Variants in OLFML2B observed in about 807,000 individuals in gnomAD.
The protein encoded by OLFML2B is olfactomedin-like protein 2B.
A neutral mutation model predicts 74.9 loss-of-function variants in OLFML2B; 57 were observed. The ratio of observed to expected loss-of-function variants is 0.76; its 90% CI spans 0.61 to 0.95. OLFML2B has a LOEUF of 0.95. OLFML2B is among the 40% of genes least tolerant of loss of function. The pLI, the probability that OLFML2B is intolerant of heterozygous loss-of-function variation, is 0.00. For synonymous variants in OLFML2B, 388 were observed against 405.8 expected (o/e 0.96, Z 0.53); for missense variants, 986 against 970.6 (o/e 1.02, Z -0.21).
intron 4 of OLFML2B, 65 bp from the exon 5 acceptor site, chr1:162,000,403 G>A: frequency 7.3e-7 from 1 of 1,376,378 alleles, no homozygotes; most frequent in Non-Finnish European, 1.0e-6. Context: ...GGGCAGGTGG[G>A]GGCAAGGCTG....
In OLFML2B at chr1:161,997,879, G is replaced by T. The variant is rs139127072; in HGVS notation, c.1420C>A (p.Pro474Thr). Residue 474 changes from proline (P) to threonine (T), a missense_variant, in exon 6 of 8, where the codon CCT (proline) becomes ACT (threonine). Pro to Thr is a conservative substitution (Grantham distance 38). Transcript: ENST00000294794. ...TCGGGGCTCAGCGTGGGGCTGGCAG[G>T]GGTTGTTCCCCACCCAGCAGGAGCA... ...KDAPAGWGTT[P>T]ASPTLSPEEE... 1.2e-6 allele frequency: 2 copies of T among 1,614,050 alleles called. No individual in the cohort carries two copies. The highest frequency in any genetic ancestry group is 1.3e-5 in the African/African-American group (1 of 74,928).
At chr1:162,008,507 CA>C (rs149129057) in intron 3 of OLFML2B, among the ~76,000 whole-genome samples, 30 of 152,316 alleles carry the variant, frequency 2.0e-4, no homozygotes, top group African/African-American at 7.0e-4. Flanking sequence ...CAGCTCTCAG[CA>C]GCACCAAGCA....
At chr1:161,994,807 A>G (rs911882400) in intron 6 of OLFML2B, among the ~76,000 whole-genome samples, 2 of 152,046 alleles carry the variant, frequency 1.3e-5, no homozygotes, top group African/African-American at 2.4e-5. Context: ...TGAACATTTT[A>G]TAACTCTCCT....
At chr1:161,997,099 G>A (rs1032419629) in intron 6 of OLFML2B, among the ~76,000 whole-genome samples, 1 of 152,200 alleles carries the variant, frequency 6.6e-6, no homozygotes, top group South Asian at 2.1e-4. Flanking sequence ...GGAGCTTGCA[G>A]TGAGCCAAGA....
At chr1:162,018,580 C>A (rs1017196529) in intron 2 of OLFML2B, among the ~76,000 whole-genome samples, 1 of 152,206 alleles carries the variant, frequency 6.6e-6, no homozygotes, top group Non-Finnish European at 1.5e-5. Flanking sequence ...CCACAGTGCA[C>A]CCAGCCTTCT....
At position 161,998,072 on chromosome 1, in the gene OLFML2B, G is replaced by A; in HGVS notation, c.1227C>T (p.Val409=). ...SVSPDPTRES[V]LQPSPQVPAT... is the part of the protein sequence containing the mutation. ...CTGGTACCTGAGGAGAAGGCTGCAG[G>A]ACTGACTCCCTTGTGGGATCTGGAG... is the stretch of plus-strand genomic sequence containing the variant. The change falls in exon 6 of 8, where the codon GTC becomes GTT. Residue 409 remains valine (V), a synonymous_variant. Transcript: ENST00000294794. The A allele has an allele frequency of 6.2e-7, 1 of 1,614,026 alleles. No individual in the cohort carries two copies. The highest frequency in any genetic ancestry group is 8.5e-7 in the Non-Finnish European group (1 of 1,179,998).
intron 6 of OLFML2B, among the ~76,000 whole-genome samples, chr1:161,985,461 G>A (rs1027687083): frequency 2.6e-5 from 4 of 152,190 alleles, no homozygotes; most frequent in African/African-American, 9.7e-5. Flanking sequence ...GAGGGAATGT[G>A]GCTTTTCCTC....
chr1:161,984,018 TC>T lies in OLFML2B; in HGVS notation c.1909del (p.Asp637ThrfsTer12). The T allele has an allele frequency of 6.2e-7, 1 of 1,614,188 alleles. No individual in the cohort carries two copies. Among genetic ancestry groups the T allele is most frequent in the Non-Finnish European group, 8.5e-7 (1 of 1,180,044 alleles). On this transcript the variant is annotated frameshift_variant, in exon 8 of 8. Transcript: ENST00000294794. LOFTEE classifies it high-confidence loss of function. ...GACCTCCTGGCTGAAGCCCTCATCG[TC>T]CAGGGCCGGGTAGATGAGCCATAGG... ...NGLWLIYPAL[D>X]DEGFSQEVIV...
At chr1:162,008,964 C>G (rs930112887) in intron 3 of OLFML2B, among the ~76,000 whole-genome samples, 2 of 152,200 alleles carry the variant, frequency 1.3e-5, no homozygotes, top group African/African-American at 2.4e-5. Flanking sequence ...GTGGATGCCC[C>G]TCCTGTAGCT....
intron 3 of OLFML2B, among the ~76,000 whole-genome samples, chr1:162,008,159 T>C (rs915175153): frequency 1.3e-5 from 2 of 152,186 alleles, no homozygotes; most frequent in African/African-American, 4.8e-5. Flanking sequence ...ACACCTCTGC[T>C]TCAGGTTCCC....
intron 3 of OLFML2B, among the ~76,000 whole-genome samples, chr1:162,012,018 A>T (rs1690404298): frequency 6.6e-6 from 1 of 152,204 alleles, no homozygotes; most frequent in Non-Finnish European, 1.5e-5. Context: ...ACTCATATTA[A>T]GATGTAAATT....
chr1:162,023,105 AAGAAAATATT>A, intron 1 of OLFML2B, 142 bp downstream of exon 1: 14 of 685,178 alleles, frequency 2.0e-5, no homozygotes, highest in Non-Finnish European at 2.8e-5. Flanking sequence ...TCCTTCCATT[AAGAAAATATT>A]CCGATACATG....
intron 1 of OLFML2B, among the ~76,000 whole-genome samples, chr1:162,020,805 G>A (rs1247684981): frequency 1.3e-5 from 2 of 152,116 alleles, no homozygotes; most frequent in African/African-American, 4.8e-5. Context: ...GTGAGACACC[G>A]CACCCAATCA....
intron 3 of OLFML2B, among the ~76,000 whole-genome samples, chr1:162,008,962 C>A (rs1436044705): frequency 6.6e-6 from 1 of 152,114 alleles, no homozygotes; most frequent in African/African-American, 2.4e-5. Flanking sequence ...CTGTGGATGC[C>A]CCTCCTGTAG....
intron 1 of OLFML2B, among the ~76,000 whole-genome samples, chr1:162,020,895 G>A (rs927581749): frequency 2.6e-5 from 4 of 152,210 alleles, no homozygotes. Context: ...AAGACTACTG[G>A]CATCTCTCAT....
At chr1:162,015,627 A>C (rs964748962) in intron 3 of OLFML2B, among the ~76,000 whole-genome samples, 1 of 152,168 alleles carries the variant, frequency 6.6e-6, no homozygotes, top group African/African-American at 2.4e-5. Context: ...CCAATATTGG[A>C]CCTTGGTTTA....
At chr1:162,022,234 T>G (rs1012375684) in intron 1 of OLFML2B, among the ~76,000 whole-genome samples, 1 of 142,772 alleles carries the variant, frequency 7.0e-6, no homozygotes, top group Non-Finnish European at 1.5e-5. Flanking sequence ...GCTCTACCCA[T>G]GTATCTCTTC....
At chr1:162,006,227 G>T in intron 4 of OLFML2B, 70 bp downstream of exon 4, 1 of 1,423,948 alleles carries the variant, frequency 7.0e-7, no homozygotes, top group Non-Finnish European at 9.4e-7. Flanking sequence ...AAAGTTCTAT[G>T]CAGAGGAGAG....
Position 162,023,276 on chromosome 1 carries a change from TG to T in OLFML2B, c.154del (p.Gln52ArgfsTer30). On this transcript the variant is annotated frameshift_variant, in exon 1 of 8. Transcript: ENST00000294794. LOFTEE classifies it high-confidence loss of function. ...TCCTACCTGAGATAAAACGTTCTCCTGGTTGTCCGCCTCGTTTTGCAGAGTC... is the reference window on the plus strand; with the variant it reads ...TCCTACCTGAGATAAAACGTTCTCCTGTTGTCCGCCTCGTTTTGCAGAGTC... ...DETLQNEADN[Q>X]ENVLSQLLGD... The T allele has an allele frequency of 6.4e-7, 1 of 1,558,470 alleles. No individual in the cohort carries two copies. Among genetic ancestry groups the T allele is most frequent in the Non-Finnish European group, 8.7e-7 (1 of 1,146,658 alleles).
Sources: gnomAD v4.1 joint callset for allele counts (sites outside exome capture counted in the v4.1 genomes callset) on GRCh38, gnomAD v4.1.1 for gene constraint, MANE v1.5 for transcripts, NCBI Gene and HGNC (gene_info 2026-07-23, HGNC 2026-07-21) for gene names.